Variants in GPHN observed in about 807,000 individuals in gnomAD.
GPHN encodes gephyrin.
GPHN carries 17 observed loss-of-function variants against 95.5 expected under a neutral mutation model. That is an observed-to-expected ratio of 0.18 (90% CI 0.12 to 0.27). The LOEUF is 0.27. Among genes scored for constraint, GPHN ranks in the 10% least tolerant of loss-of-function variants. The pLI is 1.00. For missense variants in GPHN, 660 were observed against 978.1 expected, an observed-to-expected ratio of 0.67 and a Z score of 4.34; for synonymous variants, 320 against 322.5, an observed-to-expected ratio of 0.99 and a Z score of 0.08.
intron 4 of GPHN, among the ~76,000 whole-genome samples, chr14:66,871,697 T>G (rs2063441134): frequency 6.6e-6 from 1 of 152,056 alleles, no homozygotes; most frequent in Non-Finnish European, 1.5e-5. Flanking sequence ...CACTGCATGT[T>G]CTCACTCATA....
At chr14:67,098,537 C>T (rs911116849) in intron 12 of GPHN, among the ~76,000 whole-genome samples, 44 of 151,902 alleles carry the variant, frequency 2.9e-4, no homozygotes, top group African/African-American at 1.1e-3. Context: ...GGGTCAGGCG[C>T]GGTGGCTTAT....
Position 67,023,641 on chromosome 14 carries a change from C to T in GPHN, c.972C>T (p.Ser324=), listed in dbSNP as rs776816031. ...TTATGCTCTTTCTACAGGTCCAGTC[C>T]AGGTGCAGCAGCAAGGAGAACATTC... ...TASCPTPKVQ[S]RCSSKENILR... Residue 324 remains serine, a synonymous_variant, in exon 10 of 23, where the codon TCC becomes TCT. Transcript: ENST00000478722. 2 of 1,613,222 alleles carry T rather than the reference C, an allele frequency of 1.2e-6. No individual in the cohort carries two copies. Among genetic ancestry groups the T allele is most frequent in the Non-Finnish European group, 1.7e-6 (2 of 1,179,348 alleles).
chr14:67,284,008 C>T, the GPHN span, among the ~76,000 whole-genome samples: 13 of 152,136 alleles, frequency 8.5e-5, no homozygotes, highest in East Asian at 2.1e-3. Context: ...CACTAAATTG[C>T]GCTATTGACT....
At chr14:67,695,530 C>A in the GPHN span, 1 of 1,229,142 alleles carries the variant, frequency 8.1e-7, no homozygotes, top group Non-Finnish European at 1.1e-6. Context: ...CTTGGAGCCC[C>A]CCCAGGGGAG....
chr14:67,284,442 A>AAAAAAAAAAAAAAAAAAAC, the GPHN span, among the ~76,000 whole-genome samples: 12 of 142,768 alleles, frequency 8.4e-5, no homozygotes, highest in South Asian at 2.2e-4. Context: ...AAAAAAAAAA[A>AAAAAAAAAAAAAAAAAAAC]AACAGCTGGG....
rs368788182 is a variant in GPHN at position 67,013,341 on chromosome 14, A to G, written c.964-10292A>G. On this transcript the variant is annotated intron_variant, in intron 9 of 22. Coordinates refer to ENST00000478722, the MANE Select transcript of GPHN (RefSeq NM_020806.5). Reference sequence around the variant, plus strand: ...CAAGTCTCTAGCTTTAACCGATCTAATTAGTGCATGTCTCTGGACCTACAG... The same window carrying G: ...CAAGTCTCTAGCTTTAACCGATCTAGTTAGTGCATGTCTCTGGACCTACAG... Among the ~76,000 whole-genome samples the G allele has an allele frequency of 2.6e-5, 4 of 152,218 alleles. No homozygotes were observed. The East Asian group carries it at 5.8e-4, about 22-fold the overall frequency.
At chr14:66,802,983 C>T (rs557106662) in intron 3 of GPHN, among the ~76,000 whole-genome samples, 4 of 152,242 alleles carry the variant, frequency 2.6e-5, no homozygotes, top group African/African-American at 7.2e-5. Flanking sequence ...TCTCCACCCC[C>T]AGTCCACTGT....
chr14:67,606,644 T>G, the GPHN span, among the ~76,000 whole-genome samples: 1 of 152,060 alleles, frequency 6.6e-6, no homozygotes, highest in Non-Finnish European at 1.5e-5. Context: ...TGTTGTTGTT[T>G]TTTGTTTTGT....
chr14:66,733,058 G>A (rs1595724619), intron 2 of GPHN, among the ~76,000 whole-genome samples: 1 of 152,268 alleles, frequency 6.6e-6, no homozygotes, highest in South Asian at 2.1e-4. Flanking sequence ...CATGAGTCAA[G>A]GGAGGGAGCT....
At chr14:66,840,992 GAT>G in intron 4 of GPHN, among the ~76,000 whole-genome samples, 1 of 118,538 alleles carries the variant, frequency 8.4e-6, no homozygotes, top group Non-Finnish European at 1.7e-5. Context: ...TATAGATATA[GAT>G]ATAGATATAG....
At chr14:67,517,565 A>G in the GPHN span, among the ~76,000 whole-genome samples, 1 of 152,204 alleles carries the variant, frequency 6.6e-6, no homozygotes, top group Non-Finnish European at 1.5e-5. Context: ...TCAGTTAGAG[A>G]ATCAGAAAGA....
At chr14:66,570,885 A>G (rs1175537413) in intron 1 of GPHN, among the ~76,000 whole-genome samples, 3 of 152,002 alleles carry the variant, frequency 2.0e-5, no homozygotes, top group South Asian at 2.1e-4. Flanking sequence ...GCATTTTTTC[A>G]TATACCTGTT....
the GPHN span, chr14:67,334,160 A>AATATATAGAAAT: frequency 1.5e-3 from 228 of 152,740 alleles, 1 homozygote; most frequent in African/African-American, 5.4e-3. Flanking sequence ...AAAGGTATTA[A>AATATATAGAAAT]ATATATAGAA....
the GPHN span, chr14:67,690,721 C>T: frequency 9.8e-6 from 4 of 406,836 alleles, no homozygotes; most frequent in South Asian, 7.7e-5. Flanking sequence ...CGGTGGCTCA[C>T]GCCGGTAATC....
chr14:67,231,723 T>G, the GPHN span, among the ~76,000 whole-genome samples: 1 of 152,174 alleles, frequency 6.6e-6, no homozygotes, highest in Non-Finnish European at 1.5e-5. Flanking sequence ...ATCCCAGCAC[T>G]TTGGGAGGCC....
the GPHN span, among the ~76,000 whole-genome samples, chr14:67,561,123 A>G: frequency 4.6e-5 from 7 of 152,120 alleles, no homozygotes; most frequent in African/African-American, 1.4e-4. Flanking sequence ...CCTTCTTTGG[A>G]TGTACATCTC....
intron 11 of GPHN, among the ~76,000 whole-genome samples, chr14:67,076,391 C>T (rs751635366): frequency 3.9e-5 from 6 of 152,128 alleles, no homozygotes; most frequent in Non-Finnish European, 8.8e-5. Flanking sequence ...TACTGCAATA[C>T]TCAGTTTATT....
the GPHN span, among the ~76,000 whole-genome samples, chr14:67,305,544 G>GT: frequency 6.6e-6 from 1 of 152,222 alleles, no homozygotes; most frequent in Non-Finnish European, 1.5e-5. Context: ...GCCTCCCGAA[G>GT]TGTTGGGATT....
chr14:66,708,444 G>A (rs2069300695), intron 2 of GPHN, among the ~76,000 whole-genome samples: 2 of 152,104 alleles, frequency 1.3e-5, no homozygotes, highest in Admixed American at 1.3e-4. Flanking sequence ...TGAAAATCCT[G>A]TTATCAGTAT....
Sources: gnomAD v4.1 joint callset for allele counts (sites outside exome capture counted in the v4.1 genomes callset) on GRCh38, gnomAD v4.1.1 for gene constraint, MANE v1.5 for transcripts, NCBI Gene and HGNC (gene_info 2026-07-23, HGNC 2026-07-21) for gene names.